TLL1: variants seen among roughly 807,000 people sequenced by gnomAD.
The protein encoded by TLL1 is tolloid-like protein 1.
Under a neutral mutation model 128.2 loss-of-function variants are expected in TLL1, and 49 were observed. The observed-to-expected ratio is 0.38, with a 90% CI of 0.30 to 0.48. The LOEUF is 0.48. TLL1 is among the 20% of genes least tolerant of loss of function. The pLI, the probability that TLL1 is intolerant of heterozygous loss-of-function variation, is 0.96. For synonymous variants in TLL1, 454 were observed against 418.8 expected (o/e 1.08, Z -1.03); for missense variants, 1,123 against 1,242.0 (o/e 0.90, Z 1.44).
chr4:165,930,350 T>C (rs1043868491), intron 1 of TLL1, among the ~76,000 whole-genome samples: 2 of 152,198 alleles, frequency 1.3e-5, no homozygotes, highest in East Asian at 1.9e-4. Context: ...AAGTATGATA[T>C]AGGAGAATTT....
intron 14 of TLL1, among the ~76,000 whole-genome samples, 163 bp downstream of exon 14, chr4:166,057,472 C>G (rs1252888512): frequency 6.6e-6 from 1 of 152,102 alleles, no homozygotes; most frequent in Non-Finnish European, 1.5e-5. Context: ...GAAACCTTAC[C>G]TGAATTCTTG....
At chr4:165,925,774 G>C (rs1579494937) in intron 1 of TLL1, among the ~76,000 whole-genome samples, 1 of 152,140 alleles carries the variant, frequency 6.6e-6, no homozygotes, top group Non-Finnish European at 1.5e-5. Flanking sequence ...CAAATTCCAT[G>C]TCTTATTTTA....
intron 1 of TLL1, among the ~76,000 whole-genome samples, chr4:165,906,174 A>G (rs373581721): frequency 7.9e-5 from 12 of 152,202 alleles, no homozygotes; most frequent in East Asian, 3.8e-4. Flanking sequence ...TGCAGCCACT[A>G]TAGATAGTGT....
chr4:165,999,647 T>C (rs201519052), intron 5 of TLL1, among the ~76,000 whole-genome samples: 4,498 of 152,016 alleles, frequency 0.03, 144 homozygotes, highest in East Asian at 0.15. Flanking sequence ...TGTATTTTTT[T>C]TTTTTTTGTA....
chr4:165,976,360 G>C (rs902635064), intron 1 of TLL1, among the ~76,000 whole-genome samples: 1 of 152,162 alleles, frequency 6.6e-6, no homozygotes, highest in African/African-American at 2.4e-5. Context: ...CAGTCTGAAA[G>C]TTTACCTAGA....
intron 16 of TLL1, among the ~76,000 whole-genome samples, chr4:166,066,271 G>A (rs547979375): frequency 1.3e-5 from 2 of 151,418 alleles, no homozygotes; most frequent in East Asian, 1.9e-4. Flanking sequence ...CTAGGAACAT[G>A]GAAATTATAA....
intron 1 of TLL1, among the ~76,000 whole-genome samples, chr4:165,978,817 T>C (rs1348131421): frequency 6.6e-6 from 1 of 152,240 alleles, no homozygotes; most frequent in Non-Finnish European, 1.5e-5. Flanking sequence ...TCAGTGATTT[T>C]GACATATTCC....
At chr4:166,094,073 T>C (rs927632256) in intron 19 of TLL1, among the ~76,000 whole-genome samples, 2 of 152,166 alleles carry the variant, frequency 1.3e-5, no homozygotes, top group Non-Finnish European at 2.9e-5. Flanking sequence ...TGATCTCTCT[T>C]TCTTTTCCCT....
intron 1 of TLL1, among the ~76,000 whole-genome samples, chr4:165,931,260 G>A (rs1733501658): frequency 6.6e-6 from 1 of 152,136 alleles, no homozygotes; most frequent in Non-Finnish European, 1.5e-5. Flanking sequence ...AGTTTTAATA[G>A]CATAGGAGAG....
intron 12 of TLL1, among the ~76,000 whole-genome samples, chr4:166,051,358 T>C (rs1421824827): frequency 1.5e-5 from 2 of 137,616 alleles, no homozygotes; most frequent in South Asian, 2.5e-4. Flanking sequence ...TTCTTTTCTT[T>C]GTTTCTTTTT....
chr4:165,893,252 T>C (rs1223389240), intron 1 of TLL1, among the ~76,000 whole-genome samples: 2 of 152,168 alleles, frequency 1.3e-5, no homozygotes, highest in Non-Finnish European at 2.9e-5. Flanking sequence ...ACATTTATCA[T>C]TGTGACTGAA....
chr4:165,933,186 C>A (rs901791722), intron 1 of TLL1, among the ~76,000 whole-genome samples: 1 of 152,150 alleles, frequency 6.6e-6, no homozygotes, highest in Admixed American at 6.5e-5. Flanking sequence ...CCTCATTCTG[C>A]ATAATTGTTC....
At chr4:165,966,177 C>CAA (rs35017995) in intron 1 of TLL1, among the ~76,000 whole-genome samples, 2 of 116,226 alleles carry the variant, frequency 1.7e-5, no homozygotes, top group Non-Finnish European at 1.8e-5. Context: ...GACTCCATCT[C>CAA]AAAAAAAAAA....
intron 1 of TLL1, among the ~76,000 whole-genome samples, chr4:165,961,385 C>A (rs2110960065): frequency 6.6e-6 from 1 of 152,194 alleles, no homozygotes; most frequent in South Asian, 2.1e-4. Flanking sequence ...CTTAAAATGG[C>A]CATACTGCCC....
At chr4:166,055,975 TATAGG>T (rs1251420093) in intron 13 of TLL1, among the ~76,000 whole-genome samples, 2 of 152,060 alleles carry the variant, frequency 1.3e-5, no homozygotes, top group Non-Finnish European at 2.9e-5. Flanking sequence ...GGATAAATGA[TATAGG>T]ATAGGATAAA....
At chr4:165,893,945 A>T (rs1002483498) in intron 1 of TLL1, among the ~76,000 whole-genome samples, 30 of 152,220 alleles carry the variant, frequency 2.0e-4, no homozygotes, top group Non-Finnish European at 3.5e-4. Flanking sequence ...CAACAAATTG[A>T]AATTCAATCA....
At chr4:165,989,637 T>C (rs1000204195) in intron 2 of TLL1, 146 bp downstream of exon 2, 7 of 620,578 alleles carry the variant, frequency 1.1e-5, no homozygotes, top group East Asian at 2.8e-5. Flanking sequence ...GAAATGCAGG[T>C]TTTATTCATA....
intron 9 of TLL1, among the ~76,000 whole-genome samples, chr4:166,038,354 G>A (rs1233015538): frequency 1.3e-5 from 2 of 151,940 alleles, no homozygotes; most frequent in East Asian, 3.9e-4. Flanking sequence ...TGTAGTAGGA[G>A]CATTTGGAAT....
chr4:165,934,624 C>G (rs940052113), intron 1 of TLL1, among the ~76,000 whole-genome samples: 7 of 152,132 alleles, frequency 4.6e-5, no homozygotes, highest in African/African-American at 1.4e-4. Flanking sequence ...GAGAAAAGGG[C>G]AGAGGTAAAG....
Sources: allele counts gnomAD v4.1 joint callset (sites outside exome capture counted in the v4.1 genomes callset), GRCh38; gene constraint gnomAD v4.1.1; transcripts MANE v1.5; gene names NCBI Gene and HGNC (gene_info 2026-07-23, HGNC 2026-07-21).